The following ZNF324B variants were observed in gnomAD, a reference collection of about 807,000 sequenced individuals.
ZNF324B encodes zinc finger protein 324B.
A neutral mutation model predicts 10.6 loss-of-function variants in ZNF324B; 7 were observed. The observed-to-expected ratio is 0.66, with a 90% CI of 0.38 to 1.24. The LOEUF (loss-of-function observed/expected upper bound fraction) is 1.24, where lower values mean the gene tolerates loss of function less well. ZNF324B is among the 50% of genes most tolerant of loss of function. The probability of loss-of-function intolerance (pLI) is 0.02; values close to 1 mark genes in which losing one functional copy is unlikely to be tolerated. For synonymous variants in ZNF324B, 316 were observed against 321.0 expected (o/e 0.98, Z 0.17); for missense variants, 640 against 764.7 (o/e 0.84, Z 1.92).
chr19:58,432,320 TTA>T, the ZNF324B span: 1 of 518,126 alleles, frequency 1.9e-6, no homozygotes, highest in Non-Finnish European at 3.9e-6. Context: ...GGCAAAAACT[TTA>T]ACATGGCAAA....
the ZNF324B span, chr19:58,419,013 G>T: frequency 6.6e-6 from 1 of 152,290 alleles, no homozygotes; most frequent in African/African-American, 2.4e-5. Flanking sequence ...TGTGGAGGTG[G>T]TCTCTTGAGT....
the ZNF324B span, among the ~76,000 whole-genome samples, chr19:58,424,869 C>T: frequency 4.5e-3 from 687 of 152,234 alleles, 3 homozygotes; most frequent in Non-Finnish European, 6.7e-3. Flanking sequence ...AATTCCACTT[C>T]TAAGTATCTA....
the ZNF324B span, among the ~76,000 whole-genome samples, chr19:58,432,006 GT>G: frequency 6.6e-6 from 1 of 151,978 alleles, no homozygotes; most frequent in Non-Finnish European, 1.5e-5. Context: ...AAAAAAAAAG[GT>G]GCCAAACACC....
chr19:58,437,823 C>T, the ZNF324B span: 2 of 984,158 alleles, frequency 2.0e-6, no homozygotes, highest in Non-Finnish European at 2.4e-6. Context: ...AAGTCAATGC[C>T]TCCCCTGCCA....
chr19:58,425,864 C>T, the ZNF324B span, among the ~76,000 whole-genome samples: 1 of 152,210 alleles, frequency 6.6e-6, no homozygotes, highest in African/African-American at 2.4e-5. Flanking sequence ...GATTTCAAGG[C>T]AGGTGAACTG....
chr19:58,433,564 T>C, the ZNF324B span: 1 of 1,614,214 alleles, frequency 6.2e-7, no homozygotes. Context: ...ACTGCATTCG[T>C]AAGGCCTTTC....
chr19:58,456,543 G>T lies in ZNF324B; in HGVS notation c.1599G>T (p.Gly533=). The T allele has an allele frequency of 6.2e-7, 1 of 1,614,132 alleles. No homozygotes were observed. Among genetic ancestry groups the T allele is most frequent in the Non-Finnish European group, 8.5e-7 (1 of 1,180,010 alleles). ...QGHHRKVRRG[G]KPSPVLKPAK... Reference sequence around the variant, plus strand: ...ATCATCGGAAGGTGCGCCGGGGAGGGAAGCCAAGCCCAGTCCTGAAGCCAG... The same window carrying T: ...ATCATCGGAAGGTGCGCCGGGGAGGTAAGCCAAGCCCAGTCCTGAAGCCAG... The change falls in exon 4 of 4, where the codon GGG becomes GGT. Residue 533 remains glycine (G), a synonymous_variant. Transcript: ENST00000336614. The surrounding 1 kb of genome is among the most constrained non-coding windows in gnomAD (Gnocchi z 4.7).
rs1292676208 is a variant in ZNF324B, at chr19:58,455,454, G to A, written c.510G>A (p.Lys170=). ...TGACCTCCCCACTCAGGCCCCCCAA[G>A]AGCAGCCGGCCCAGGGAAAAGACCT... The part of the protein sequence containing the change: ...LRLTSPLRPP[K]SSRPREKTFT... Residue 170 remains lysine, a synonymous_variant, in exon 4 of 4, where the codon AAG becomes AAA. Coordinates refer to ENST00000336614, the MANE Select transcript of ZNF324B (RefSeq NM_207395.3). The surrounding 1 kb of genome is among the most constrained non-coding windows in gnomAD (Gnocchi z 7.0). 6.2e-7 allele frequency: 1 copy of A among 1,614,014 alleles called. No homozygotes were observed. Among genetic ancestry groups the A allele is most frequent in the African/African-American group, 1.3e-5 (1 of 74,948 alleles).
chr19:58,422,962 C>T, the ZNF324B span, among the ~76,000 whole-genome samples: 5 of 151,740 alleles, frequency 3.3e-5, no homozygotes, highest in East Asian at 1.9e-4. Context: ...CTCCGCCTCC[C>T]GGGTTCACAC....
chr19:58,456,484 G>A lies in ZNF324B; in HGVS notation c.1540G>A (p.Asp514Asn), dbSNP rs565844600. The A allele has an allele frequency of 1.3e-4, 208 of 1,614,210 alleles. 7 individuals carry two copies. The South Asian group carries it at 2.1e-3, about 17-fold the overall frequency. ...AGAGAAGACCAATGCCGCAGCACCA[G>A]ACTGCACCCCGGGGCCAGGTTTCCT... is the stretch of plus-strand genomic sequence containing the variant. ...TTEKTNAAAP[D>N]CTPGPGFLQG... Residue 514 changes from aspartate to asparagine, a missense_variant, in exon 4 of 4, where the codon GAC becomes AAC. Transcript: ENST00000336614. This position sits in a 1 kb window ranked among gnomAD's most constrained non-coding sequence, Gnocchi z 4.7.
the ZNF324B span, chr19:58,428,765 G>A: frequency 6.6e-6 from 1 of 152,230 alleles, no homozygotes; most frequent in African/African-American, 2.4e-5. Context: ...TGTGCGTTTA[G>A]AACAGACATG....
chr19:58,453,524 G>T (rs2052882430), intron 1 of ZNF324B, among the ~76,000 whole-genome samples, 172 bp from the exon 2 acceptor site: 1 of 152,162 alleles, frequency 6.6e-6, no homozygotes, highest in South Asian at 2.1e-4. Flanking sequence ...GACCAGGAGG[G>T]CAGAGGGGAG....
chr19:58,437,685 GT>G, the ZNF324B span: 1 of 982,026 alleles, frequency 1.0e-6, no homozygotes, highest in Non-Finnish European at 1.2e-6. Flanking sequence ...TGTTCACACT[GT>G]AGGCATTCTC....
chr19:58,427,396 T>TTC, the ZNF324B span, among the ~76,000 whole-genome samples: 1 of 53,134 alleles, frequency 1.9e-5, no homozygotes, highest in Admixed American at 2.1e-4. Flanking sequence ...CTTTCTTTCT[T>TTC]TCTTTCTTTC....
chr19:58,456,814 G>C lies in ZNF324B; in HGVS notation c.*235G>C, dbSNP rs1055761629. On this transcript the variant is annotated 3_prime_UTR_variant, in exon 4 of 4. Coordinates refer to ENST00000336614, the MANE Select transcript of ZNF324B (RefSeq NM_207395.3). This position sits in a 1 kb window ranked among gnomAD's most constrained non-coding sequence, Gnocchi z 4.7. ...AACACTGCAGAAACATCAGAGGGAG[G>C]ACATGTCAGCTGGAACTCTGGTGGG... is the stretch of plus-strand genomic sequence containing the variant. 8.4e-6 allele frequency: 5 copies of C among 597,422 alleles called. No homozygotes were observed. In the South Asian group the frequency reaches 1.1e-4, roughly 13 times the overall value. 37.0% of individuals were successfully genotyped at this position (597,422 alleles called of 1,614,324 possible).
chr19:58,453,350 G>T, intron 1 of ZNF324B: 1 of 357,934 alleles, frequency 2.8e-6, no homozygotes, highest in Non-Finnish European at 5.3e-6. Context: ...TATTACAAAA[G>T]CAAGAAGGGC....
the ZNF324B span, chr19:58,432,227 C>A: frequency 1.2e-5 from 6 of 485,192 alleles, no homozygotes; most frequent in Non-Finnish European, 2.1e-5. Context: ...CCAGTTCCTA[C>A]CTGGGGAGTG....
rs745721727 is a variant in ZNF324B, at chr19:58,457,343, A to G, written c.*764A>G. On this transcript the variant is annotated 3_prime_UTR_variant, in exon 4 of 4. Coordinates refer to ENST00000336614, the MANE Select transcript of ZNF324B (RefSeq NM_207395.3). ...GACAAACCTAGGATGATGGCTTTCC[A>G]GTGGCACTCGTTCAGGTTTTCGTCC... The G allele has an allele frequency of 6.6e-6, 1 of 152,572 alleles. No individual in the cohort carries two copies. The highest frequency in any genetic ancestry group is 2.1e-4 in the South Asian group (1 of 4,842). The allele number at this position is 152,572 out of a possible 1,614,324, so 9.5% of individuals were successfully genotyped here. A position where few individuals can be genotyped will look rare whatever the true frequency, so the allele number is the denominator to read the frequency against.
chr19:58,441,440 G>A, the ZNF324B span: 1 of 152,344 alleles, frequency 6.6e-6, no homozygotes, highest in South Asian at 2.1e-4. Flanking sequence ...TAGAGCTAAT[G>A]GAATTTTTTG....
Sources: gnomAD v4.1 joint callset for allele counts (sites outside exome capture counted in the v4.1 genomes callset) on GRCh38, gnomAD v4.1.1 for gene constraint, Gnocchi (gnomAD v3.1) non-coding constraint, MANE v1.5 for transcripts, NCBI Gene and HGNC (gene_info 2026-07-23, HGNC 2026-07-21) for gene names.